SVOP: variants seen among roughly 807,000 people sequenced by gnomAD.
SVOP encodes synaptic vesicle 2-related protein.
SVOP carries 17 observed loss-of-function variants against 69.1 expected under a neutral mutation model. The observed-to-expected ratio is 0.25, with a 90% CI of 0.17 to 0.37. The LOEUF (loss-of-function observed/expected upper bound fraction) is 0.37, where lower values mean the gene tolerates loss of function less well. SVOP is among the 10% of genes least tolerant of loss of function. The pLI is 1.00. For synonymous variants in SVOP, 238 were observed against 238.6 expected (o/e 1.00, Z 0.02); for missense variants, 435 against 597.5 (o/e 0.73, Z 2.84).
At chr12:109,006,531 G>T (rs896199542) in intron 1 of SVOP, among the ~76,000 whole-genome samples, 1 of 152,170 alleles carries the variant, frequency 6.6e-6, no homozygotes, top group Non-Finnish European at 1.5e-5. Flanking sequence ...GGAGGCAGAG[G>T]GTATAGGGGG....
intron 1 of SVOP, among the ~76,000 whole-genome samples, chr12:108,998,893 A>T (rs1343934591): frequency 2.0e-5 from 3 of 152,114 alleles, no homozygotes; most frequent in Non-Finnish European, 4.4e-5. Context: ...CTAGGAAGAA[A>T]CTGCATCAAC....
intron 5 of SVOP, among the ~76,000 whole-genome samples, chr12:108,964,837 T>C (rs2137425191): frequency 6.6e-6 from 1 of 152,278 alleles, no homozygotes; most frequent in East Asian, 1.9e-4. Flanking sequence ...TCTTTTTACA[T>C]TTATTGAGCA....
At chr12:108,965,739 TA>T (rs975516266) in intron 5 of SVOP, among the ~76,000 whole-genome samples, 2 of 152,102 alleles carry the variant, frequency 1.3e-5, no homozygotes, top group Non-Finnish European at 2.9e-5. Flanking sequence ...TGGTATTCTC[TA>T]ACACGTTCAA....
chr12:108,999,175 A>C (rs1263075726), intron 1 of SVOP, among the ~76,000 whole-genome samples: 1 of 112,744 alleles, frequency 8.9e-6, no homozygotes, highest in African/African-American at 3.4e-5. Context: ...GTCTCTGATA[A>C]AACAGACTTT....
intron 14 of SVOP, among the ~76,000 whole-genome samples, chr12:108,917,118 G>A (rs1275067484): frequency 6.6e-6 from 1 of 152,162 alleles, no homozygotes; most frequent in African/African-American, 2.4e-5. Flanking sequence ...TGTTACATTA[G>A]CTAACATGTT....
chr12:108,922,653 T>A, intron 12 of SVOP, 37 bp downstream of exon 12: 1 of 1,496,110 alleles, frequency 6.7e-7, no homozygotes, highest in Non-Finnish European at 9.2e-7. Flanking sequence ...ATTCCCAGGC[T>A]TGCCTGACAC....
At chr12:109,005,967 G>A (rs572167125) in intron 1 of SVOP, among the ~76,000 whole-genome samples, 1 of 152,346 alleles carries the variant, frequency 6.6e-6, no homozygotes, top group East Asian at 1.9e-4. Context: ...GAGGGTGGAA[G>A]ATGATCAGAG....
Position 108,987,119 on chromosome 12 carries a change from C to A in SVOP, c.36-3358G>T, listed in dbSNP as rs577463757. ...AATGCTCCATTTTCCCCTATTCAGC[C>A]CTGACGAGCACCAATCTACTTTCTG... On this transcript the variant is annotated intron_variant, in intron 1 of 15. Transcript: ENST00000610966. Among the ~76,000 whole-genome samples, 42 of 152,306 alleles carry A rather than the reference C, an allele frequency of 2.8e-4. No individual in the cohort carries two copies. The South Asian group carries it at 6.4e-3, about 23-fold the overall frequency.
chr12:109,008,960 CT>C (rs71079510), intron 1 of SVOP, among the ~76,000 whole-genome samples: 1,190 of 112,700 alleles, frequency 0.011, 6 homozygotes, highest in Middle Eastern at 0.024. Flanking sequence ...TCTTTTCTTT[CT>C]TTTTTTTTTT....
chr12:108,989,591 T>A (rs1303299974), intron 1 of SVOP, among the ~76,000 whole-genome samples: 1 of 152,078 alleles, frequency 6.6e-6, no homozygotes, highest in Non-Finnish European at 1.5e-5. Context: ...AGTCAGTCCT[T>A]GGCCACACCA....
At chr12:108,963,342 CTT>C (rs2040027327) in intron 5 of SVOP, among the ~76,000 whole-genome samples, 1 of 152,138 alleles carries the variant, frequency 6.6e-6, no homozygotes, top group African/African-American at 2.4e-5. Context: ...TAGAAAATGA[CTT>C]TATGTGGCAG....
rs760078932 is a variant in SVOP at position 108,972,404 on chromosome 12, C to T, written c.453+1G>A. Reference sequence around the variant, plus strand: ...CGTTTAGAAGAGTAAGTTTGCCTTACTGTTTTCCTGCCGTACTGGTCTGAG... The same window carrying T: ...CGTTTAGAAGAGTAAGTTTGCCTTATTGTTTTCCTGCCGTACTGGTCTGAG... On this transcript the variant is annotated splice_donor_variant, in intron 5 of 15. Coordinates refer to ENST00000610966, the MANE Select transcript of SVOP (RefSeq NM_018711.5). LOFTEE classifies it high-confidence loss of function. 1 of 1,537,182 alleles carries T rather than the reference C, an allele frequency of 6.5e-7. No homozygotes were observed.
intron 1 of SVOP, among the ~76,000 whole-genome samples, chr12:109,006,414 C>T (rs554580414): frequency 2.0e-5 from 3 of 152,134 alleles, no homozygotes; most frequent in South Asian, 2.1e-4. Flanking sequence ...TGAGAAATCA[C>T]GAGATGTGAG....
At chr12:108,913,411 C>T (rs1438898906) in intron 15 of SVOP, among the ~76,000 whole-genome samples, 1 of 152,200 alleles carries the variant, frequency 6.6e-6, no homozygotes, top group East Asian at 1.9e-4. Flanking sequence ...TGCCATGCCA[C>T]AGCCCTATGA....
chr12:108,939,976 GC>G (rs1319403894), intron 8 of SVOP, among the ~76,000 whole-genome samples: 2 of 152,160 alleles, frequency 1.3e-5, no homozygotes, highest in Non-Finnish European at 2.9e-5. Context: ...AATTCCACTT[GC>G]CAACCAGAAA....
At chr12:109,007,369 G>GAAGA (rs1362286234) in intron 1 of SVOP, among the ~76,000 whole-genome samples, 1 of 152,240 alleles carries the variant, frequency 6.6e-6, no homozygotes, top group African/African-American at 2.4e-5. Context: ...TAGGATTTGA[G>GAAGA]AAGAGTCTTC....
At chr12:108,947,501 T>G (rs796835907) in intron 6 of SVOP, among the ~76,000 whole-genome samples, 10 of 152,338 alleles carry the variant, frequency 6.6e-5, no homozygotes, top group African/African-American at 2.4e-4. Context: ...CCCACTTCCA[T>G]GTTGCAATTC....
chr12:108,968,863 G>A (rs574081379), intron 5 of SVOP, among the ~76,000 whole-genome samples: 27 of 152,010 alleles, frequency 1.8e-4, no homozygotes, highest in African/African-American at 6.3e-4. Flanking sequence ...GCATGATCTC[G>A]GCTCACTGCA....
intron 15 of SVOP, among the ~76,000 whole-genome samples, 175 bp downstream of exon 15, chr12:108,915,606 CCT>C (rs1371998136): frequency 6.6e-6 from 1 of 152,164 alleles, no homozygotes; most frequent in African/African-American, 2.4e-5. Context: ...CATTTTAGCC[CCT>C]GAGCCTCTGT....
Sources: gnomAD v4.1 joint callset for allele counts (sites outside exome capture counted in the v4.1 genomes callset) on GRCh38, gnomAD v4.1.1 for gene constraint, MANE v1.5 for transcripts, NCBI Gene and HGNC (gene_info 2026-07-23, HGNC 2026-07-21) for gene names.